The following XPR1 variants were observed in gnomAD, a reference collection of about 807,000 sequenced individuals.
XPR1 encodes xenotropic and polytropic retrovirus receptor 1.
Under a neutral mutation model 87.5 loss-of-function variants are expected in XPR1, and 28 were observed. The ratio of observed to expected loss-of-function variants is 0.32; its 90% CI spans 0.24 to 0.44. The LOEUF is 0.44. Among genes scored for constraint, XPR1 ranks in the 20% least tolerant of loss-of-function variants. The probability of loss-of-function intolerance (pLI) is 1.00; values close to 1 mark genes in which losing one functional copy is unlikely to be tolerated. For missense variants in XPR1, 559 were observed against 862.3 expected (o/e 0.65, Z 4.41); for synonymous variants, 300 against 306.1 (o/e 0.98, Z 0.21).
At chr1:180,679,271 A>G (rs1656478220) in intron 1 of XPR1, among the ~76,000 whole-genome samples, 1 of 152,140 alleles carries the variant, frequency 6.6e-6, no homozygotes, top group African/African-American at 2.4e-5. Context: ...TGGTATTTAT[A>G]TGCTTGAATA....
intron 11 of XPR1, among the ~76,000 whole-genome samples, chr1:180,863,470 C>T (rs1047039586): frequency 3.3e-5 from 5 of 152,120 alleles, no homozygotes; most frequent in Non-Finnish European, 7.4e-5. Flanking sequence ...GCCTCCAAAA[C>T]TTTTATACAT....
intron 11 of XPR1, among the ~76,000 whole-genome samples, chr1:180,861,694 A>G (rs146737750): frequency 6.9e-4 from 105 of 152,120 alleles, no homozygotes; most frequent in Middle Eastern, 3.4e-3. Flanking sequence ...AGAAATACCA[A>G]TTTCTTTCCC....
chr1:180,667,527 A>C (rs73049495), intron 1 of XPR1, among the ~76,000 whole-genome samples: 2,552 of 152,284 alleles, frequency 0.017, 78 homozygotes, highest in African/African-American at 0.056. Context: ...GGATTTTTGC[A>C]TCAAAGTTCA....
chr1:180,787,274 G>A (rs1649182616), intron 2 of XPR1, among the ~76,000 whole-genome samples: 1 of 147,476 alleles, frequency 6.8e-6, no homozygotes, highest in Admixed American at 6.9e-5. Context: ...GTCTTACAAA[G>A]AGGTTTTTTT....
In XPR1 at chr1:180,836,610, C is replaced by T. The variant is rs970889429; in HGVS notation, c.1395C>T (p.Arg465=). The T allele has an allele frequency of 1.2e-6, 2 of 1,614,164 alleles. No individual in the cohort carries two copies. The highest frequency in any genetic ancestry group is 1.7e-6 in the Non-Finnish European group (2 of 1,180,028). ...PAWLRFIQCL[R]RYRDTKRAFP... ...GGCTTCGCTTCATCCAGTGCCTGCGCCGATATCGAGACACAAAAAGGGCCT... is the reference window on the plus strand; with the variant it reads ...GGCTTCGCTTCATCCAGTGCCTGCGTCGATATCGAGACACAAAAAGGGCCT... The change falls in exon 11 of 15, where the codon CGC becomes CGT. Residue 465 remains arginine (R), a synonymous_variant. Transcript: ENST00000367590.
In XPR1 at chr1:180,866,751, T is replaced by C. The variant is rs566538588; in HGVS notation, c.1668+2877T>C. ...CATAATCATCAGTCAGTGAATAATA[T>C]CTAAAATTGAGTAATCAAGATATAA... is the stretch of plus-strand genomic sequence containing the variant. On this transcript the variant is annotated intron_variant, in intron 12 of 14. Coordinates refer to ENST00000367590, the MANE Select transcript of XPR1 (RefSeq NM_004736.4). 2.0e-5 allele frequency among the ~76,000 whole-genome samples: 3 copies of C among 152,166 alleles called. No homozygotes were observed. The East Asian group carries it at 5.8e-4, about 29-fold the overall frequency.
chr1:180,859,427 G>C (rs945987069), intron 11 of XPR1, among the ~76,000 whole-genome samples: 1 of 152,158 alleles, frequency 6.6e-6, no homozygotes, highest in Admixed American at 6.6e-5. Flanking sequence ...TTGATTTTCT[G>C]TGATTCTGAA....
intron 2 of XPR1, among the ~76,000 whole-genome samples, chr1:180,684,398 G>A (rs147729298): frequency 0.017 from 2,558 of 152,262 alleles, 71 homozygotes; most frequent in African/African-American, 0.057. Flanking sequence ...TAGCCTTGTA[G>A]TATAGTTTGA....
At chr1:180,846,342 TAAATA>T (rs1651682674) in intron 11 of XPR1, among the ~76,000 whole-genome samples, 1 of 152,104 alleles carries the variant, frequency 6.6e-6, no homozygotes, top group Admixed American at 6.5e-5. Context: ...ATATTGTTAA[TAAATA>T]AGGAATGTTG....
chr1:180,687,144 G>T (rs1656809386), intron 2 of XPR1, among the ~76,000 whole-genome samples: 1 of 152,042 alleles, frequency 6.6e-6, no homozygotes, highest in East Asian at 1.9e-4. Flanking sequence ...CTTACCCTGA[G>T]TAAGTTGCTT....
intron 2 of XPR1, among the ~76,000 whole-genome samples, chr1:180,725,135 C>G (rs1175310895): frequency 6.6e-6 from 1 of 152,154 alleles, no homozygotes; most frequent in Non-Finnish European, 1.5e-5. Flanking sequence ...TGAGGCTTCC[C>G]TTTCTCAAAG....
intron 2 of XPR1, among the ~76,000 whole-genome samples, chr1:180,702,679 G>A (rs888327957): frequency 1.3e-5 from 2 of 151,690 alleles, no homozygotes; most frequent in Non-Finnish European, 2.9e-5. Flanking sequence ...TTCTCATTCC[G>A]ATCATGAATT....
At chr1:180,712,133 A>T (rs1218616763) in intron 2 of XPR1, among the ~76,000 whole-genome samples, 3 of 152,230 alleles carry the variant, frequency 2.0e-5, no homozygotes, top group Non-Finnish European at 4.4e-5. Context: ...TAAATTAGGC[A>T]CAATAAGAGA....
chr1:180,800,585 C>G (rs1649743499), intron 3 of XPR1, among the ~76,000 whole-genome samples: 1 of 152,198 alleles, frequency 6.6e-6, no homozygotes, highest in South Asian at 2.1e-4. Context: ...GCTTGGACTT[C>G]TAACCTACAA....
In XPR1 at chr1:180,783,568, G is replaced by T. The variant is rs79363411; in HGVS notation, c.122-4185G>T. ...AATGTACATATGAATATTAACTTAT[G>T]TACATATTTTCCATTAATGGGATCA... On this transcript the variant is annotated intron_variant, in intron 2 of 14. Coordinates refer to ENST00000367590, the MANE Select transcript of XPR1 (RefSeq NM_004736.4). 1.7e-3 allele frequency among the ~76,000 whole-genome samples: 260 copies of T among 151,870 alleles called. 5 individuals carry two copies. The highest frequency in any genetic ancestry group is 5.4e-3 in the East Asian group (28 of 5,184).
chr1:180,748,383 T>C lies in XPR1; in HGVS notation c.122-39370T>C, dbSNP rs1376240219. ...TCATCACTTAATTATTTTGCTACTCTGTGTTATTATTTATGTCTTTTTTTT... is the reference window on the plus strand; with the variant it reads ...TCATCACTTAATTATTTTGCTACTCCGTGTTATTATTTATGTCTTTTTTTT... On this transcript the variant is annotated intron_variant, in intron 2 of 14. Transcript: ENST00000367590. Among the ~76,000 whole-genome samples, 3 of 149,696 alleles carry C rather than the reference T, an allele frequency of 2.0e-5. No homozygotes were observed. In the East Asian group the frequency reaches 5.8e-4, roughly 29 times the overall value.
At chr1:180,808,699 C>T (rs571078662) in intron 6 of XPR1, among the ~76,000 whole-genome samples, 1 of 152,124 alleles carries the variant, frequency 6.6e-6, no homozygotes, top group African/African-American at 2.4e-5. Context: ...ATAAAATGCT[C>T]AATATCATTA....
intron 3 of XPR1, among the ~76,000 whole-genome samples, chr1:180,788,309 A>G (rs755824737): frequency 1.3e-4 from 20 of 152,232 alleles, no homozygotes; most frequent in Non-Finnish European, 2.6e-4. Flanking sequence ...TGAGAATAAA[A>G]TATTGGAACT....
At position 180,712,767 on chromosome 1, in the gene XPR1, C is replaced by G. The variant is rs140455349; in HGVS notation, c.121+30356C>G. On this transcript the variant is annotated intron_variant, in intron 2 of 14. Transcript: ENST00000367590. Reference sequence around the variant, plus strand: ...GTTGCATTGAGGTGAGGTTGTGCCACTGCACTCCAGCCTGGGCAACAGAAT... The same window carrying G: ...GTTGCATTGAGGTGAGGTTGTGCCAGTGCACTCCAGCCTGGGCAACAGAAT... Among the ~76,000 whole-genome samples, 3,314 of 152,036 alleles carry G rather than the reference C, an allele frequency of 0.022. 404 individuals are homozygous for G. The East Asian group carries it at 0.36, about 17-fold the overall frequency.
Sources: allele counts gnomAD v4.1 joint callset (sites outside exome capture counted in the v4.1 genomes callset), GRCh38; gene constraint gnomAD v4.1.1; transcripts MANE v1.5; gene names NCBI Gene and HGNC (gene_info 2026-07-23, HGNC 2026-07-21).